The following MYO5B variants were observed in gnomAD, a reference collection of about 807,000 sequenced individuals.
MYO5B encodes the protein unconventional myosin-Vb.
In MYO5B, 143 loss-of-function variants were observed where a neutral mutation model predicts 229.3. That is an observed-to-expected ratio of 0.62 (90% confidence interval 0.54 to 0.72). The LOEUF (loss-of-function observed/expected upper bound fraction) is 0.72. Ranked by LOEUF, MYO5B falls within the 30% of genes least tolerant of loss-of-function variation. The pLI is 0.00. For synonymous variants in MYO5B, 918 were observed against 885.2 expected (o/e 1.04, Z -0.66); for missense variants, 2,321 against 2,331.0 (o/e 1.00, Z 0.09).
chr18:50,146,099 A>C (rs1179660724), intron 1 of MYO5B, among the ~76,000 whole-genome samples: 2 of 152,240 alleles, frequency 1.3e-5, no homozygotes, highest in African/African-American at 4.8e-5. Context: ...TTGAGGGCAA[A>C]TTATAGTCTG....
intron 21 of MYO5B, among the ~76,000 whole-genome samples, chr18:49,900,966 C>T (rs773402605): frequency 2.0e-5 from 3 of 152,212 alleles, no homozygotes; most frequent in African/African-American, 4.8e-5. Flanking sequence ...CTGGTCCCAG[C>T]ACTTTCTATT....
intron 1 of MYO5B, among the ~76,000 whole-genome samples, chr18:50,101,927 A>G (rs2031662019): frequency 1.3e-5 from 2 of 152,186 alleles, no homozygotes; most frequent in Admixed American, 1.3e-4. Flanking sequence ...ATAAAGACAC[A>G]CACACGTATG....
intron 1 of MYO5B, among the ~76,000 whole-genome samples, chr18:50,156,327 T>C (rs886695766): frequency 3.3e-5 from 5 of 152,212 alleles, no homozygotes; most frequent in African/African-American, 1.2e-4. Flanking sequence ...TCTTGAACTA[T>C]AGTTCCCATA....
chr18:50,017,359 A>C (rs567348137), intron 4 of MYO5B, among the ~76,000 whole-genome samples: 3 of 152,140 alleles, frequency 2.0e-5, no homozygotes, highest in Non-Finnish European at 4.4e-5. Flanking sequence ...TCCTGAACTC[A>C]AATGATCCAC....
intron 3 of MYO5B, among the ~76,000 whole-genome samples, chr18:50,037,333 G>A (rs1056799807): frequency 1.1e-4 from 16 of 152,182 alleles, no homozygotes; most frequent in African/African-American, 3.9e-4. Context: ...AATTCTACCA[G>A]TATATATTAG....
intron 1 of MYO5B, among the ~76,000 whole-genome samples, chr18:50,120,177 T>G (rs539552204): frequency 6.6e-6 from 1 of 152,352 alleles, no homozygotes; most frequent in East Asian, 1.9e-4. Flanking sequence ...CTTTCAATTT[T>G]AATGCCTTTT....
At chr18:49,917,539 C>G (rs2025030747) in intron 17 of MYO5B, among the ~76,000 whole-genome samples, 1 of 151,920 alleles carries the variant, frequency 6.6e-6, no homozygotes, top group Admixed American at 6.6e-5. Context: ...CCATCACCTC[C>G]ACAGCACGAC....
chr18:50,148,581 A>C (rs962025746), intron 1 of MYO5B, among the ~76,000 whole-genome samples: 3 of 152,260 alleles, frequency 2.0e-5, no homozygotes, highest in Admixed American at 2.0e-4. Flanking sequence ...CAAAGACAAA[A>C]ATCACATGAT....
chr18:50,106,470 T>G (rs945182959), intron 1 of MYO5B, among the ~76,000 whole-genome samples: 1 of 152,266 alleles, frequency 6.6e-6, no homozygotes, highest in Non-Finnish European at 1.5e-5. Flanking sequence ...CAGAGGTTTC[T>G]GCCTACTAAG....
At chr18:50,167,813 T>C (rs1234335186) in intron 1 of MYO5B, among the ~76,000 whole-genome samples, 1 of 152,172 alleles carries the variant, frequency 6.6e-6, no homozygotes, top group Non-Finnish European at 1.5e-5. Flanking sequence ...TAAACCTGAA[T>C]GTTCAAGTCC....
chr18:50,159,124 C>A (rs2032725779), intron 1 of MYO5B, among the ~76,000 whole-genome samples: 3 of 152,108 alleles, frequency 2.0e-5, no homozygotes, highest in Admixed American at 2.0e-4. Flanking sequence ...AGCTGTCAAT[C>A]ACTTCTGAAA....
At chr18:50,161,014 C>G (rs1439780514) in intron 1 of MYO5B, among the ~76,000 whole-genome samples, 1 of 152,204 alleles carries the variant, frequency 6.6e-6, no homozygotes, top group Non-Finnish European at 1.5e-5. Context: ...AGCTTGTGTC[C>G]TCCTTGTAGT....
chr18:49,887,554 A>C (rs1262943203), intron 22 of MYO5B, among the ~76,000 whole-genome samples: 2 of 151,944 alleles, frequency 1.3e-5, no homozygotes, highest in African/African-American at 2.4e-5. Flanking sequence ...CTCCCCCTTC[A>C]ACTTTTGCCA....
chr18:50,072,595 C>T (rs1164775097), intron 1 of MYO5B, among the ~76,000 whole-genome samples: 1 of 152,206 alleles, frequency 6.6e-6, no homozygotes, highest in African/African-American at 2.4e-5. Flanking sequence ...TAATTCCAAT[C>T]AGATACTCAA....
intron 27 of MYO5B, among the ~76,000 whole-genome samples, chr18:49,870,315 G>T (rs750989290): frequency 5.9e-5 from 9 of 152,188 alleles, no homozygotes; most frequent in Non-Finnish European, 1.3e-4. Context: ...AGGCCTAAAT[G>T]TAAGACCTAA....
chr18:49,846,887 C>T (rs1301903222), intron 33 of MYO5B, among the ~76,000 whole-genome samples: 4 of 151,792 alleles, frequency 2.6e-5, no homozygotes, highest in Non-Finnish European at 4.4e-5. Context: ...TCCCCTCCCA[C>T]TTCCATCGTA....
chr18:49,921,100 T>C (rs2025069689), intron 17 of MYO5B, among the ~76,000 whole-genome samples: 1 of 152,188 alleles, frequency 6.6e-6, no homozygotes, highest in Non-Finnish European at 1.5e-5. Flanking sequence ...GCAGGCCGCT[T>C]CTAAAGCTTC....
intron 4 of MYO5B, among the ~76,000 whole-genome samples, chr18:50,036,491 G>T (rs1294629614): frequency 6.6e-6 from 1 of 152,188 alleles, no homozygotes; most frequent in Non-Finnish European, 1.5e-5. Flanking sequence ...TGTAGATCAG[G>T]CTGGGGTAAA....
intron 22 of MYO5B, among the ~76,000 whole-genome samples, chr18:49,894,675 T>C (rs1461120389): frequency 6.6e-6 from 1 of 152,114 alleles, no homozygotes; most frequent in East Asian, 1.9e-4. Flanking sequence ...TTCTAGACCA[T>C]AAAAACAATG....
Sources: gnomAD v4.1 joint callset for allele counts (sites outside exome capture counted in the v4.1 genomes callset) on GRCh38, gnomAD v4.1.1 for gene constraint, MANE v1.5 for transcripts, NCBI Gene and HGNC (gene_info 2026-07-23, HGNC 2026-07-21) for gene names.